The following ATP8A2 variants were observed in gnomAD, a reference collection of about 807,000 sequenced individuals.
ATP8A2 encodes phospholipid-transporting ATPase IB.
In ATP8A2, 100 loss-of-function variants were observed where a neutral mutation model predicts 165.6. The ratio of observed to expected loss-of-function variants is 0.60; its 90% CI spans 0.51 to 0.71. ATP8A2 has a LOEUF of 0.71. Ranked by LOEUF, ATP8A2 falls within the 30% of genes least tolerant of loss-of-function variation. ATP8A2 has a pLI of 0.00. For synonymous variants in ATP8A2, 543 were observed against 548.8 expected (o/e 0.99, Z 0.15); for missense variants, 1,227 against 1,479.5 (o/e 0.83, Z 2.80).
At chr13:25,728,693 A>C (rs1417753986) in intron 25 of ATP8A2, among the ~76,000 whole-genome samples, 1 of 151,780 alleles carries the variant, frequency 6.6e-6, no homozygotes, top group Admixed American at 6.6e-5. Context: ...AGAAGGGGGG[A>C]GCACCGTGTC....
chr13:25,475,031 G>A (rs914366286), intron 2 of ATP8A2, among the ~76,000 whole-genome samples: 1 of 151,992 alleles, frequency 6.6e-6, no homozygotes. Context: ...TGTTTGTCAG[G>A]CTGGTCTCAA....
At chr13:25,466,199 AT>A (rs1397066511) in intron 1 of ATP8A2, among the ~76,000 whole-genome samples, 2 of 151,570 alleles carry the variant, frequency 1.3e-5, no homozygotes, top group Non-Finnish European at 1.5e-5. Flanking sequence ...GCCACAGGCT[AT>A]TTTTTTTGGT....
At position 25,820,611 on chromosome 13, in the gene ATP8A2, C is replaced by A. The variant is rs187716875; in HGVS notation, c.2680-7507C>A. 3.0e-3 allele frequency among the ~76,000 whole-genome samples: 456 copies of A among 152,164 alleles called. 5 individuals carry two copies. The highest frequency in any genetic ancestry group is 0.01 in the African/African-American group (426 of 41,492). On this transcript the variant is annotated intron_variant, in intron 27 of 36. Transcript: ENST00000381655. ...TACACAGCTGGGAACTTGTGGCCCA[C>A]CAAAAATGACATTTATATTTAGGAA...
chr13:25,490,718 G>T (rs560353031), intron 2 of ATP8A2, among the ~76,000 whole-genome samples: 2 of 8,540 alleles, frequency 2.3e-4, no homozygotes, highest in Admixed American at 2.7e-3. Flanking sequence ...CTACTAATTA[G>T]TTTTTTTGTT....
intron 2 of ATP8A2, among the ~76,000 whole-genome samples, chr13:25,474,047 G>A (rs373194358): frequency 3.9e-5 from 6 of 152,156 alleles, no homozygotes; most frequent in East Asian, 1.9e-4. Flanking sequence ...TTGAAATGAG[G>A]TCTTCAAAGC....
chr13:25,851,207 A>G (rs1191285102), intron 30 of ATP8A2, among the ~76,000 whole-genome samples: 1 of 152,246 alleles, frequency 6.6e-6, no homozygotes, highest in Non-Finnish European at 1.5e-5. Flanking sequence ...CATCTTCATT[A>G]AAGTTTAATG....
At position 25,842,452 on chromosome 13, in the gene ATP8A2, A is replaced by T. The variant is rs547011050; in HGVS notation, c.2956+2828A>T. Among the ~76,000 whole-genome samples, 481 of 152,254 alleles carry T rather than the reference A, an allele frequency of 3.2e-3. 2 individuals are homozygous for T. The highest frequency in any genetic ancestry group is 5.5e-3 in the Non-Finnish European group (376 of 68,006). ...AACTTTGGGAGGCAGAGGTGGGTGGATCACCTGACATCAGTTCGAGACCAG... is the reference window on the plus strand; with the variant it reads ...AACTTTGGGAGGCAGAGGTGGGTGGTTCACCTGACATCAGTTCGAGACCAG... On this transcript the variant is annotated intron_variant, in intron 30 of 36. Transcript: ENST00000381655.
chr13:25,898,806 C>T (rs1033141989), intron 33 of ATP8A2, among the ~76,000 whole-genome samples: 6 of 152,304 alleles, frequency 3.9e-5, no homozygotes, highest in African/African-American at 9.6e-5. Context: ...AACGAGGCTC[C>T]GTGGGCATAG....
intron 35 of ATP8A2, among the ~76,000 whole-genome samples, chr13:25,990,174 TC>T (rs1956357910): frequency 1.3e-5 from 2 of 150,608 alleles, no homozygotes; most frequent in African/African-American, 4.9e-5. Context: ...GACTCTTTCA[TC>T]GCTTCACTTC....
chr13:25,904,442 CA>C (rs1042790353), intron 33 of ATP8A2, among the ~76,000 whole-genome samples: 63 of 152,320 alleles, frequency 4.1e-4, no homozygotes, highest in African/African-American at 1.4e-3. Context: ...GTGACAGTCA[CA>C]AACCCGCACC....
At chr13:25,473,972 T>C (rs1215298184) in intron 2 of ATP8A2, among the ~76,000 whole-genome samples, 1 of 152,206 alleles carries the variant, frequency 6.6e-6, no homozygotes, top group Non-Finnish European at 1.5e-5. Flanking sequence ...AATCTTTCTA[T>C]GTGATTAGCA....
At chr13:25,528,408 T>C (rs553852986) in intron 2 of ATP8A2, among the ~76,000 whole-genome samples, 2 of 152,354 alleles carry the variant, frequency 1.3e-5, no homozygotes, top group East Asian at 3.9e-4. Flanking sequence ...CATTGTACCA[T>C]GGGGCATGAT....
At chr13:25,955,971 T>A (rs1955509297) in intron 33 of ATP8A2, among the ~76,000 whole-genome samples, 3 of 152,146 alleles carry the variant, frequency 2.0e-5, no homozygotes, top group African/African-American at 7.2e-5. Flanking sequence ...TGGTTCAACA[T>A]ACGCAAATCA....
At chr13:25,879,720 AT>A (rs1384791471) in intron 33 of ATP8A2, among the ~76,000 whole-genome samples, 1 of 152,224 alleles carries the variant, frequency 6.6e-6, no homozygotes, top group South Asian at 2.1e-4. Context: ...AAGCAGATTT[AT>A]GCAAACAGCC....
chr13:25,490,726 GT>G (rs61044184), intron 2 of ATP8A2, among the ~76,000 whole-genome samples: 126,476 of 149,948 alleles, frequency 0.84, 53,747 homozygotes, highest in East Asian at 0.98. Context: ...TAGTTTTTTT[GT>G]TTTTTTTTTG....
chr13:25,607,282 C>T (rs1203220493), intron 24 of ATP8A2, among the ~76,000 whole-genome samples: 1 of 152,046 alleles, frequency 6.6e-6, no homozygotes, highest in African/African-American at 2.4e-5. Context: ...CCAGCTCTGG[C>T]GAGTGCGACA....
intron 1 of ATP8A2, among the ~76,000 whole-genome samples, chr13:25,380,444 G>A (rs1336171252): frequency 6.6e-6 from 1 of 152,134 alleles, no homozygotes; most frequent in Non-Finnish European, 1.5e-5. Context: ...GTTGAGCTGG[G>A]CTGTAACGGC....
At chr13:25,660,165 A>C (rs1041850358) in intron 24 of ATP8A2, among the ~76,000 whole-genome samples, 26 of 152,184 alleles carry the variant, frequency 1.7e-4, no homozygotes, top group African/African-American at 6.0e-4. Flanking sequence ...GAGTGGGAGA[A>C]GCCAGTGGGT....
intron 26 of ATP8A2, among the ~76,000 whole-genome samples, chr13:25,771,199 C>T (rs1347412669): frequency 6.6e-6 from 1 of 152,182 alleles, no homozygotes; most frequent in African/African-American, 2.4e-5. Flanking sequence ...AACCGGGGTT[C>T]CTTCGTATCA....
Sources: allele counts gnomAD v4.1 joint callset (sites outside exome capture counted in the v4.1 genomes callset), GRCh38; gene constraint gnomAD v4.1.1; transcripts MANE v1.5; gene names NCBI Gene and HGNC (gene_info 2026-07-23, HGNC 2026-07-21).